Variants in OR51E2 observed in about 807,000 individuals in gnomAD.
OR51E2 encodes the protein olfactory receptor 51E2.
OR51E2 carries 14 observed loss-of-function variants against 13.7 expected under a neutral mutation model. The observed-to-expected ratio is 1.02, with a 90% CI of 0.68 to 1.60. The LOEUF is 1.60. Among genes scored for constraint, OR51E2 ranks in the 40% most tolerant of loss-of-function variants. The pLI, the probability that OR51E2 is intolerant of heterozygous loss-of-function variation, is 0.00. For synonymous variants in OR51E2, 180 were observed against 157.6 expected, an observed-to-expected ratio of 1.14 and a Z score of -1.07; for missense variants, 483 against 413.8, an observed-to-expected ratio of 1.17 and a Z score of -1.45.
chr11:4,682,628 G>A lies in OR51E2; in HGVS notation c.84C>T (p.Phe28=). The change falls in exon 2 of 2, where the codon TTC becomes TTT. Residue 28 remains phenylalanine (F), a synonymous_variant. Transcript: ENST00000396950. ...GLEKAHFWVG[F]PLLSMYVVAM... ...CCACTACATACATGGAAAGGAGGGG[G>A]AAGCCAACCCAGAAATGGGCTTTCT... 6.2e-7 allele frequency: 1 copy of A among 1,614,194 alleles called. No homozygotes were observed. The highest frequency in any genetic ancestry group is 8.5e-7 in the Non-Finnish European group (1 of 1,180,024).
intron 1 of OR51E2, chr11:4,691,524 G>A: frequency 2.2e-6 from 1 of 456,960 alleles, no homozygotes; most frequent in Non-Finnish European, 4.4e-6. Context: ...ATAGTACATT[G>A]GTTCGTGGAG....
intron 1 of OR51E2, chr11:4,685,975 GTA>G (rs1197744039): frequency 6.6e-6 from 1 of 152,144 alleles, no homozygotes; most frequent in Non-Finnish European, 1.5e-5. Flanking sequence ...CATTGTCACT[GTA>G]ATCTTTGAAC....
chr11:4,685,183 C>T (rs753267910), intron 1 of OR51E2: 1 of 152,118 alleles, frequency 6.6e-6, no homozygotes, highest in African/African-American at 2.4e-5. Context: ...GAACTGAGGC[C>T]CCAGGGACTT....
At chr11:4,688,424 T>C (rs1847539311) in intron 1 of OR51E2, among the ~76,000 whole-genome samples, 1 of 151,974 alleles carries the variant, frequency 6.6e-6, no homozygotes, top group Non-Finnish European at 1.5e-5. Flanking sequence ...TTTAAGAAAA[T>C]ATTTGGAAGC....
intron 1 of OR51E2, chr11:4,692,256 G>A (rs1051852056): frequency 5.4e-6 from 2 of 370,056 alleles, no homozygotes; most frequent in South Asian, 4.2e-5. Context: ...CACATAGGAA[G>A]TGACAAATAA....
At chr11:4,683,197 C>T (rs980194111) in intron 1 of OR51E2, among the ~76,000 whole-genome samples, 13 of 152,054 alleles carry the variant, frequency 8.5e-5, no homozygotes, top group African/African-American at 2.4e-4. Flanking sequence ...ATAATATATG[C>T]ATTTAATTCA....
intron 1 of OR51E2, among the ~76,000 whole-genome samples, chr11:4,694,775 T>C (rs1739178365): frequency 6.6e-6 from 1 of 152,158 alleles, no homozygotes; most frequent in African/African-American, 2.4e-5. Context: ...ATCTAATTGA[T>C]AAGGCAGAAG....
chr11:4,686,648 C>T (rs1336008792), intron 1 of OR51E2, among the ~76,000 whole-genome samples: 3 of 152,176 alleles, frequency 2.0e-5, no homozygotes, highest in Non-Finnish European at 2.9e-5. Context: ...ATTATTCAAC[C>T]GATCTTGTCT....
chr11:4,695,382 C>T (rs1564888658), intron 1 of OR51E2, among the ~76,000 whole-genome samples: 1 of 152,154 alleles, frequency 6.6e-6, no homozygotes, highest in African/African-American at 2.4e-5. Context: ...AAGCTTCCCA[C>T]AGTTTTGTAT....
intron 1 of OR51E2, among the ~76,000 whole-genome samples, chr11:4,694,575 T>TATATATACAC (rs72005121): frequency 2.7e-4 from 40 of 147,952 alleles, no homozygotes; most frequent in South Asian, 6.4e-4. Flanking sequence ...CATATATATA[T>TATATATACAC]ACACACACAC....
intron 1 of OR51E2, chr11:4,691,073 A>G (rs748269200): frequency 2.2e-4 from 101 of 456,696 alleles, no homozygotes; most frequent in Non-Finnish European, 3.2e-4. Flanking sequence ...GTAAGTCTAC[A>G]CCAACAGTAG....
intron 1 of OR51E2, chr11:4,685,723 A>T (rs530596560): frequency 6.6e-6 from 1 of 152,334 alleles, no homozygotes; most frequent in East Asian, 1.9e-4. Flanking sequence ...CACATTAAAC[A>T]AATGTTTGTC....
chr11:4,690,824 G>C (rs1847568889), intron 1 of OR51E2: 1 of 451,840 alleles, frequency 2.2e-6, no homozygotes, highest in Admixed American at 2.4e-5. Flanking sequence ...TCACACTGTA[G>C]ATGACAGGGT....
intron 1 of OR51E2, among the ~76,000 whole-genome samples, chr11:4,693,700 C>T (rs1051546761): frequency 2.6e-5 from 4 of 152,106 alleles, no homozygotes; most frequent in Admixed American, 1.3e-4. Context: ...CCAACCTGGG[C>T]GACAGAGCGA....
intron 1 of OR51E2, among the ~76,000 whole-genome samples, chr11:4,696,470 G>A (rs566801508): frequency 2.0e-5 from 3 of 152,234 alleles, no homozygotes; most frequent in Admixed American, 6.5e-5. Flanking sequence ...TGAGAACCTC[G>A]GGAGGTCTAT....
chr11:4,681,791 C>G lies in OR51E2; in HGVS notation c.921G>C (p.Lys307Asn), dbSNP rs1270980948. 3 of 1,614,230 alleles carry G rather than the reference C, an allele frequency of 1.9e-6. No individual in the cohort carries two copies. The highest frequency in any genetic ancestry group is 2.5e-6 in the Non-Finnish European group (3 of 1,180,040). ...CCTGCAAGTCCTTGTCACAGCTGAT[C>G]TTGAACATAGCCAGCACCCGTGTTC... The part of the protein sequence containing the change: ...QIRTRVLAMF[K>N]ISCDKDLQAV... The change falls in exon 2 of 2, where the codon AAG (lysine) becomes AAC (asparagine). Residue 307 changes from lysine to asparagine, a missense_variant. Transcript: ENST00000396950.
At chr11:4,687,311 A>G (rs1488962714) in intron 1 of OR51E2, among the ~76,000 whole-genome samples, 2 of 152,030 alleles carry the variant, frequency 1.3e-5, no homozygotes, top group Non-Finnish European at 2.9e-5. Context: ...AATATAAAAC[A>G]CCTCTTTAAA....
At chr11:4,693,539 G>T (rs1016864837) in intron 1 of OR51E2, among the ~76,000 whole-genome samples, 10 of 152,150 alleles carry the variant, frequency 6.6e-5, no homozygotes, top group Admixed American at 2.6e-4. Flanking sequence ...GGCTAACATG[G>T]TGAAACCTCG....
chr11:4,694,537 T>TAC (rs1202136629), intron 1 of OR51E2, among the ~76,000 whole-genome samples: 8 of 144,964 alleles, frequency 5.5e-5, no homozygotes, highest in African/African-American at 1.8e-4. Flanking sequence ...CACACATATA[T>TAC]ACGTATATAT....
Sources: allele counts gnomAD v4.1 joint callset (sites outside exome capture counted in the v4.1 genomes callset), GRCh38; gene constraint gnomAD v4.1.1; transcripts MANE v1.5; gene names NCBI Gene and HGNC (gene_info 2026-07-23, HGNC 2026-07-21).